DIO2: variants seen among roughly 807,000 people sequenced by gnomAD.
DIO2 encodes the protein type II iodothyronine deiodinase.
DIO2 carries 19 observed loss-of-function variants against 21.4 expected under a neutral mutation model. The observed-to-expected ratio is 0.89, with a 90% CI of 0.62 to 1.30. The LOEUF (loss-of-function observed/expected upper bound fraction) is 1.30, where lower values mean the gene tolerates loss of function less well. Among genes scored for constraint, DIO2 ranks in the 50% most tolerant of loss-of-function variants. DIO2 has a pLI of 0.00. For synonymous variants in DIO2, 122 were observed against 132.9 expected, an observed-to-expected ratio of 0.92 and a Z score of 0.57; for missense variants, 302 against 338.1, an observed-to-expected ratio of 0.89 and a Z score of 0.84.
chr14:80,209,248 C>A (rs779837403), intron 1 of DIO2, among the ~76,000 whole-genome samples: 1 of 151,894 alleles, frequency 6.6e-6, no homozygotes, highest in Non-Finnish European at 1.5e-5. Flanking sequence ...ACATTACAGC[C>A]CCCATTGTTT....
chr14:80,227,473 T>C (rs1030410072), intron 2 of DIO2, among the ~76,000 whole-genome samples: 1 of 152,348 alleles, frequency 6.6e-6, no homozygotes, highest in African/African-American at 2.4e-5. Flanking sequence ...TCAGGTTGCA[T>C]GGTGACTTGA....
chr14:80,212,507 T>C (rs1888247569), upstream of DIO2, among the ~76,000 whole-genome samples: 1 of 152,156 alleles, frequency 6.6e-6, no homozygotes, highest in South Asian at 2.1e-4. Flanking sequence ...CTTCTGATTA[T>C]CATTATCATT....
In DIO2 at chr14:80,201,959, T is replaced by G. The variant is rs1887744197; in HGVS notation, c.*730A>C. On this transcript the variant is annotated 3_prime_UTR_variant, in exon 2 of 2. Transcript: ENST00000438257. ...GCTTAAGGGTGAAACTCTGTGAATT[T>G]TCCAAATCTTTCTGCCTCCTCTTTC... 1 of 173,818 alleles carries G rather than the reference T, an allele frequency of 5.8e-6. No individual in the cohort carries two copies. 10.8% of individuals were successfully genotyped at this position (173,818 alleles called of 1,614,324 possible).
Position 80,201,996 on chromosome 14 carries a change from A to G in DIO2, c.*693T>C, listed in dbSNP as rs139953847. ...CTGCCTCCTCTTTCCTAGCTTGTCAATTTCATTTCTTTTTTACCACTCTCT... is the reference window on the plus strand; with the variant it reads ...CTGCCTCCTCTTTCCTAGCTTGTCAGTTTCATTTCTTTTTTACCACTCTCT... On this transcript the variant is annotated 3_prime_UTR_variant, in exon 2 of 2. Coordinates refer to ENST00000438257, the MANE Select transcript of DIO2 (RefSeq NM_013989.5). The G allele has an allele frequency of 2.1e-3, 370 of 172,680 alleles. 1 individual carries two copies. Among genetic ancestry groups the G allele is most frequent in the Middle Eastern group, 5.4e-3 (2 of 370 alleles). The allele number at this position is 172,680 out of a possible 1,614,324, so 10.7% of individuals were successfully genotyped here.
chr14:80,213,289 T>C (rs1030678409), upstream of DIO2, among the ~76,000 whole-genome samples: 29 of 152,196 alleles, frequency 1.9e-4, no homozygotes, highest in African/African-American at 6.8e-4. Flanking sequence ...TGATAGATAC[T>C]GAGTTTTAGA....
Position 80,199,723 on chromosome 14 carries a change from T to C in DIO2, c.*2966A>G, listed in dbSNP as rs1040971094. 6 of 152,616 alleles carry C rather than the reference T, an allele frequency of 3.9e-5. No homozygotes were observed. The highest frequency in any genetic ancestry group is 7.2e-5 in the African/African-American group (3 of 41,446). The allele number at this position is 152,616 out of a possible 1,614,324, so 9.5% of individuals were successfully genotyped here. ...ATAATATCTAAAATTTCTTGGAAAC[T>C]ATTTCAATAATAGACAAGCTAATGA... On this transcript the variant is annotated 3_prime_UTR_variant, in exon 2 of 2. Coordinates refer to ENST00000438257, the MANE Select transcript of DIO2 (RefSeq NM_013989.5).
rs779026727 is a variant in DIO2, at chr14:80,202,648, T to C, written c.*41A>G. 7.8e-6 allele frequency: 12 copies of C among 1,533,272 alleles called. No homozygotes were observed. Among genetic ancestry groups the C allele is most frequent in the South Asian group, 6.2e-5 (5 of 81,082 alleles). The allele number at this position is 1,533,272 out of a possible 1,614,324, so 95.0% of individuals were successfully genotyped here. On this transcript the variant is annotated 3_prime_UTR_variant, in exon 2 of 2. Coordinates refer to ENST00000438257, the MANE Select transcript of DIO2 (RefSeq NM_013989.5). ...TCAGTTCTTAATTTCCTTGCCTTTA[T>C]ATAACTTTTTAAAACAATAAGCTCT...
chr14:80,207,558 C>T (rs1261454731), intron 1 of DIO2, among the ~76,000 whole-genome samples: 1 of 152,120 alleles, frequency 6.6e-6, no homozygotes, highest in Non-Finnish European at 1.5e-5. Flanking sequence ...ACTTGCTATC[C>T]AAAGCCCTGA....
intron 2 of DIO2, among the ~76,000 whole-genome samples, chr14:80,218,516 T>G (rs1888400419): frequency 6.6e-6 from 1 of 152,138 alleles, no homozygotes; most frequent in African/African-American, 2.4e-5. Flanking sequence ...TTTCCAAGAT[T>G]CAAGGGAGAA....
intron 2 of DIO2, chr14:80,219,441 A>G (rs1342162050): frequency 6.6e-6 from 1 of 152,224 alleles, no homozygotes; most frequent in East Asian, 1.9e-4. Context: ...AAAAAGCCAA[A>G]GAGACACCGG....
At chr14:80,225,070 T>C (rs1428867377) in intron 2 of DIO2, among the ~76,000 whole-genome samples, 4 of 152,180 alleles carry the variant, frequency 2.6e-5, no homozygotes, top group Non-Finnish European at 5.9e-5. Context: ...TTCTTCCTGC[T>C]TTATATTCAC....
intron 2 of DIO2, among the ~76,000 whole-genome samples, chr14:80,219,965 A>G (rs572278263): frequency 6.6e-6 from 1 of 152,210 alleles, no homozygotes; most frequent in South Asian, 2.1e-4. Context: ...ATAATTAGGA[A>G]TGGATAACCT....
At position 80,202,840 on chromosome 14, in the gene DIO2, C is replaced by T; in HGVS notation, c.671G>A (p.Gly224Glu). 3 of 1,613,970 alleles carry T rather than the reference C, an allele frequency of 1.9e-6. No homozygotes were observed. Among genetic ancestry groups the T allele is most frequent in the Non-Finnish European group, 2.5e-6 (3 of 1,179,882 alleles). The change falls in exon 2 of 2, where the codon GGG becomes GAG. Residue 224 changes from glycine (G) to glutamate (E), a missense_variant. Coordinates refer to ENST00000438257, the MANE Select transcript of DIO2 (RefSeq NM_013989.5). ...AATGCACACACGTTCAAAGGCTACCCCGTAAGCTATGTTGGCGTTATTGTC... is the reference window on the plus strand; with the variant it reads ...AATGCACACACGTTCAAAGGCTACCTCGTAAGCTATGTTGGCGTTATTGTC... ...RMDNNANIAY[G>E]VAFERVCIVQ... is the part of the protein sequence containing the mutation.
chr14:80,222,534 C>T (rs1454597475), intron 2 of DIO2, among the ~76,000 whole-genome samples: 1 of 152,180 alleles, frequency 6.6e-6, no homozygotes, highest in African/African-American at 2.4e-5. Context: ...GGAAGCAAGA[C>T]TCAGTTTATA....
At chr14:80,218,599 T>G (rs7146189) in intron 2 of DIO2, among the ~76,000 whole-genome samples, 24,161 of 152,108 alleles carry the variant, frequency 0.16, 2,656 homozygotes, top group East Asian at 0.31. Flanking sequence ...GACCAGAAAG[T>G]AGTAGAAAAA....
intron 1 of DIO2, among the ~76,000 whole-genome samples, chr14:80,206,995 C>T (rs1887980926): frequency 6.6e-6 from 1 of 152,056 alleles, no homozygotes. Context: ...CCAAAGGGTC[C>T]CTTTATTTTG....
intron 2 of DIO2, among the ~76,000 whole-genome samples, chr14:80,229,782 T>C (rs1471228805): frequency 6.6e-6 from 1 of 152,228 alleles, no homozygotes; most frequent in Admixed American, 6.5e-5. Context: ...GATCAATAAA[T>C]TGAGCCTGAT....
At chr14:80,211,001 C>T (rs1196170418) in intron 1 of DIO2, among the ~76,000 whole-genome samples, 1 of 152,192 alleles carries the variant, frequency 6.6e-6, no homozygotes, top group African/African-American at 2.4e-5. Flanking sequence ...CAAATCACAG[C>T]AAGATATTAA....
rs1888045701 is a variant in DIO2 at position 80,208,618 on chromosome 14, T to C, written c.222+2633A>G. Among the ~76,000 whole-genome samples the C allele has an allele frequency of 2.0e-5, 3 of 152,172 alleles. No homozygotes were observed. In the South Asian group the frequency reaches 6.2e-4, roughly 32 times the overall value. On this transcript the variant is annotated intron_variant, in intron 1 of 1. Coordinates refer to ENST00000438257, the MANE Select transcript of DIO2 (RefSeq NM_013989.5). ...CTGGGGATGGGTAGCCTCAAAATAA[T>C]GCAAGTCAGGGTTATGAAATAGTGT...
Sources: gnomAD v4.1 joint callset for allele counts (sites outside exome capture counted in the v4.1 genomes callset) on GRCh38, gnomAD v4.1.1 for gene constraint, MANE v1.5 for transcripts, NCBI Gene and HGNC (gene_info 2026-07-23, HGNC 2026-07-21) for gene names.